MON1A: variants seen among roughly 807,000 people sequenced by gnomAD.
The protein encoded by MON1A is vacuolar fusion protein MON1 homolog A.
MON1A carries 29 observed loss-of-function variants against 44.6 expected under a neutral mutation model. The ratio of observed to expected loss-of-function variants is 0.65; its 90% CI spans 0.48 to 0.89. The LOEUF is 0.89. MON1A is among the 40% of genes least tolerant of loss of function. The pLI is 0.00. For missense variants in MON1A, 615 were observed against 759.6 expected, an observed-to-expected ratio of 0.81 and a Z score of 2.24; for synonymous variants, 275 against 316.4, an observed-to-expected ratio of 0.87 and a Z score of 1.39.
intron 1 of MON1A, among the ~76,000 whole-genome samples, chr3:49,925,856 T>A (rs2083047380): frequency 6.6e-6 from 1 of 152,252 alleles, no homozygotes; most frequent in Admixed American, 6.5e-5. Context: ...TCTGACCACT[T>A]GTCACCTCCA....
chr3:49,913,391 T>C (rs2082910349), intron 1 of MON1A, 32 bp from the exon 2 acceptor site: 1 of 1,589,032 alleles, frequency 6.3e-7, no homozygotes, highest in Non-Finnish European at 8.6e-7. Context: ...CATCGATGGC[T>C]TTTGGCAGGG....
Position 49,909,001 on chromosome 3 carries a change from GCA to G in MON1A, c.*11_*12del. 6.2e-7 allele frequency: 1 copy of G among 1,606,942 alleles called. No individual in the cohort carries two copies. The highest frequency in any genetic ancestry group is 1.3e-5 in the African/African-American group (1 of 74,890). The stretch of plus-strand genomic sequence containing the variant: ...TAGTGTGTCCAGGAAGGCTGAGCCC[GCA>G]CACATTCCCATCAATAGGTGAGGGG... On this transcript the variant is annotated 3_prime_UTR_variant, in exon 6 of 6. Coordinates refer to ENST00000296473, the MANE Select transcript of MON1A (RefSeq NM_032355.4). The surrounding 1 kb of genome is among the most constrained non-coding windows in gnomAD (Gnocchi z 4.0).
intron 1 of MON1A, chr3:49,916,017 T>C (rs1018978400): frequency 6.6e-6 from 1 of 152,216 alleles, no homozygotes; most frequent in Admixed American, 6.5e-5. Flanking sequence ...TCTAGCTGGA[T>C]GGACTAGAAG....
At position 49,929,690 on chromosome 3, in the gene MON1A, G is replaced by T; in HGVS notation, c.-95C>A. On this transcript the variant is annotated 5_prime_UTR_variant, in exon 1 of 6. Coordinates refer to ENST00000296473, the MANE Select transcript of MON1A (RefSeq NM_032355.4). Reference sequence around the variant, plus strand: ...GACCCATGGAGGGGTAAGGGTGTCCGGCCGGGGCCGGCCTGAGGGCACAGC... The same window carrying T: ...GACCCATGGAGGGGTAAGGGTGTCCTGCCGGGGCCGGCCTGAGGGCACAGC... 1 of 1,550,776 alleles carries T rather than the reference G, an allele frequency of 6.4e-7. No individual in the cohort carries two copies. Among genetic ancestry groups the T allele is most frequent in the Non-Finnish European group, 8.7e-7 (1 of 1,146,830 alleles).
chr3:49,927,523 G>A (rs935520385), intron 1 of MON1A, among the ~76,000 whole-genome samples: 4 of 152,108 alleles, frequency 2.6e-5, no homozygotes, highest in African/African-American at 9.7e-5. Flanking sequence ...AGTGGCATAT[G>A]GGCAAATACG....
chr3:49,910,306 T>A lies in MON1A; in HGVS notation c.1192A>T (p.Thr398Ser), dbSNP rs766727482. Residue 398 changes from threonine (T) to serine (S), a missense_variant, in exon 4 of 6, where the codon ACT becomes TCT. Transcript: ENST00000296473. This position sits in a 1 kb window ranked among gnomAD's most constrained non-coding sequence, Gnocchi z 8.0. The stretch of plus-strand genomic sequence containing the variant: ...ACTGCAAAGAAGTCCTCACGGTCAG[T>A]GGAGACAAGCAGCAGGCAGAGGTCA... Reference protein sequence around the residue: ...DTDLCLLLVSTDREDFFAVSD... With the variant: ...DTDLCLLLVSSDREDFFAVSD... The A allele has an allele frequency of 1.2e-6, 2 of 1,614,026 alleles. No individual in the cohort carries two copies. Among genetic ancestry groups the A allele is most frequent in the East Asian group, 2.2e-5 (1 of 44,856 alleles).
intron 1 of MON1A, 85 bp from the exon 2 acceptor site, chr3:49,913,444 C>T: frequency 7.3e-7 from 1 of 1,369,904 alleles, no homozygotes; most frequent in South Asian, 1.4e-5. Flanking sequence ...AGGAAAGTGT[C>T]CTTTATCAGG....
Position 49,911,527 on chromosome 3 carries a change from T to C in MON1A, c.612A>G (p.Ala204=). The C allele has an allele frequency of 6.2e-7, 1 of 1,606,352 alleles. No homozygotes were observed. The highest frequency in any genetic ancestry group is 8.5e-7 in the Non-Finnish European group (1 of 1,175,194). Residue 204 remains alanine (A), a splice_region_variant and synonymous_variant, in exon 3 of 6, where the codon GCA becomes GCG. Coordinates refer to ENST00000296473, the MANE Select transcript of MON1A (RefSeq NM_032355.4). This position sits in a 1 kb window ranked among gnomAD's most constrained non-coding sequence, Gnocchi z 5.7. The part of the protein sequence containing the change: ...ADKNAIRSIH[A]DGYKVVFVRR... The stretch of plus-strand genomic sequence containing the variant: ...CCATTCCCTCTCCAGGTGGCTCACC[T>C]GCATGGATGGAGCGGATGGCGTTCT...
At chr3:49,925,832 G>T (rs2083047162) in intron 1 of MON1A, among the ~76,000 whole-genome samples, 1 of 152,180 alleles carries the variant, frequency 6.6e-6, no homozygotes, top group African/African-American at 2.4e-5. Context: ...AGTGGGAAAT[G>T]CCTATATCCA....
chr3:49,909,006 C>A lies in MON1A; in HGVS notation c.*8G>T. ...TGTCCAGGAAGGCTGAGCCCGCACA[C>A]ATTCCCATCAATAGGTGAGGGGCGT... On this transcript the variant is annotated 3_prime_UTR_variant, in exon 6 of 6. Coordinates refer to ENST00000296473, the MANE Select transcript of MON1A (RefSeq NM_032355.4). The surrounding 1 kb of genome is among the most constrained non-coding windows in gnomAD (Gnocchi z 4.0). 1 of 1,609,430 alleles carries A rather than the reference C, an allele frequency of 6.2e-7. No individual in the cohort carries two copies. The highest frequency in any genetic ancestry group is 1.7e-5 in the Admixed American group (1 of 59,580).
chr3:49,922,806 G>C (rs1234911269), intron 1 of MON1A, among the ~76,000 whole-genome samples: 1 of 151,730 alleles, frequency 6.6e-6, no homozygotes, highest in African/African-American at 2.4e-5. Flanking sequence ...CCACCTCCTG[G>C]GTTCAGGCAA....
Position 49,910,898 on chromosome 3 carries a change from A to T in MON1A, c.614-14T>A. The T allele has an allele frequency of 6.3e-7, 1 of 1,575,020 alleles. No individual in the cohort carries two copies. The highest frequency in any genetic ancestry group is 8.6e-7 in the Non-Finnish European group (1 of 1,156,642). Reference sequence around the variant, plus strand: ...CCTTGTAGCCATCTGAGAGCGGGACAGGAAAGAAGGATGTCAGCCTCAGCG... The same window carrying T: ...CCTTGTAGCCATCTGAGAGCGGGACTGGAAAGAAGGATGTCAGCCTCAGCG... On this transcript the variant is annotated splice_polypyrimidine_tract_variant and intron_variant, in intron 3 of 5. Transcript: ENST00000296473. This position sits in a 1 kb window ranked among gnomAD's most constrained non-coding sequence, Gnocchi z 8.0.
rs750550804 is a variant in MON1A, at chr3:49,911,766, C to A, written c.373G>T (p.Gly125Trp). The A allele has an allele frequency of 6.2e-7, 1 of 1,613,566 alleles. No homozygotes were observed. The highest frequency in any genetic ancestry group is 8.5e-7 in the Non-Finnish European group (1 of 1,179,788). Residue 125 changes from glycine to tryptophan, a missense_variant, in exon 3 of 6, where the codon GGG (glycine) becomes TGG (tryptophan). Gly to Trp is a radical substitution (Grantham distance 184). Transcript: ENST00000296473. This position sits in a 1 kb window ranked among gnomAD's most constrained non-coding sequence, Gnocchi z 5.7. ...GSSEDWLEPP[G>W]AVGRPATEPP... ...TCTGTGGCTGGTCGCCCAACTGCCC[C>A]TGGGGGTTCCAGCCAATCCTCAGAG...
chr3:49,919,626 CCCA>C (rs2082978982), intron 1 of MON1A, among the ~76,000 whole-genome samples: 1 of 152,092 alleles, frequency 6.6e-6, no homozygotes. Context: ...ATTACAGACG[CCCA>C]CCACCACACC....
rs575114552 is a variant in MON1A, at chr3:49,910,713, T to C, written c.785A>G (p.Tyr262Cys). The change falls in exon 4 of 6, where the codon TAT becomes TGT. Residue 262 changes from tyrosine to cysteine, a missense_variant. Tyr to Cys is a radical substitution (Grantham distance 194, BLOSUM62 -2). Coordinates refer to ENST00000296473, the MANE Select transcript of MON1A (RefSeq NM_032355.4). This position sits in a 1 kb window ranked among gnomAD's most constrained non-coding sequence, Gnocchi z 8.0. The stretch of plus-strand genomic sequence containing the variant: ...GCCCGAGAGTAGGCGCCGCAAATCA[T>C]AGTTCTGCTTCTGCTGGAAGATGTG... ...LSHIFQQKQN[Y>C]DLRRLLSGSE... 24 of 1,613,762 alleles carry C rather than the reference T, an allele frequency of 1.5e-5. No homozygotes were observed. Among genetic ancestry groups the C allele is most frequent in the African/African-American group, 1.2e-4 (9 of 75,016 alleles).
chr3:49,925,573 C>G (rs757546098), intron 1 of MON1A, among the ~76,000 whole-genome samples: 28 of 152,156 alleles, frequency 1.8e-4, no homozygotes, highest in Non-Finnish European at 3.5e-4. Context: ...GAGACCCTGT[C>G]TCTACAAAAT....
chr3:49,923,265 CCGGGA>C (rs746457326), intron 1 of MON1A, among the ~76,000 whole-genome samples: 226 of 140,570 alleles, frequency 1.6e-3, no homozygotes, highest in Admixed American at 3.3e-3. Flanking sequence ...TCCCTTGAAC[CCGGGA>C]GGTGGAGGTT....
intron 1 of MON1A, among the ~76,000 whole-genome samples, chr3:49,917,434 C>T (rs1208337091): frequency 3.9e-5 from 6 of 152,092 alleles, no homozygotes; most frequent in South Asian, 2.1e-4. Context: ...TATAGGCGCC[C>T]GCCACCACGC....
intron 2 of MON1A, 185 bp downstream of exon 2, chr3:49,913,035 G>A (rs1274492904): frequency 1.3e-6 from 1 of 778,138 alleles, no homozygotes; most frequent in Non-Finnish European, 2.2e-6. Flanking sequence ...ATAACATGAA[G>A]TGGAGAGGAA....
Sources: allele counts gnomAD v4.1 joint callset (sites outside exome capture counted in the v4.1 genomes callset), GRCh38; gene constraint gnomAD v4.1.1; non-coding constraint Gnocchi (gnomAD v3.1); transcripts MANE v1.5; gene names NCBI Gene and HGNC (gene_info 2026-07-23, HGNC 2026-07-21).